Variants in MICAL2 observed in about 807,000 individuals in gnomAD.
MICAL2 encodes microtubule associated monooxygenase, calponin and LIM domain containing 2.
In MICAL2, 77 loss-of-function variants were observed where a neutral mutation model predicts 127.3. The observed-to-expected ratio is 0.60, with a 90% CI of 0.50 to 0.73. MICAL2 has a LOEUF of 0.73. Among genes scored for constraint, MICAL2 ranks in the 30% least tolerant of loss-of-function variants. The pLI is 0.00. For synonymous variants in MICAL2, 570 were observed against 551.1 expected (o/e 1.03, Z -0.48); for missense variants, 1,351 against 1,434.4 (o/e 0.94, Z 0.94).
upstream of MICAL2, among the ~76,000 whole-genome samples, chr11:12,275,646 ACC>A (rs1863716162): frequency 1.3e-5 from 2 of 152,182 alleles, no homozygotes; most frequent in Non-Finnish European, 2.9e-5. Context: ...CTGAGATGTT[ACC>A]ACTGGATTTA....
intron 32 of MICAL2, among the ~76,000 whole-genome samples, chr11:12,330,205 C>A (rs1331988865): frequency 6.6e-6 from 1 of 152,096 alleles, no homozygotes; most frequent in African/African-American, 2.4e-5. Flanking sequence ...TAATAATATT[C>A]CTTGGTGGTT....
At chr11:12,230,281 CA>C (rs1353102216) in intron 15 of MICAL2, among the ~76,000 whole-genome samples, 1 of 152,222 alleles carries the variant, frequency 6.6e-6, no homozygotes, top group African/African-American at 2.4e-5. Flanking sequence ...TGGTCCTGCA[CA>C]GCCACAGGGG....
rs986724984 is a variant in MICAL2, at chr11:12,239,495, A to G, written c.2124A>G (p.Glu708=). 2 of 1,614,220 alleles carry G rather than the reference A, an allele frequency of 1.2e-6. No homozygotes were observed. The highest frequency in any genetic ancestry group is 2.2e-5 in the East Asian group (1 of 44,886). Residue 708 remains glutamate, a synonymous_variant, in exon 17 of 28, where the codon GAA becomes GAG. Coordinates refer to ENST00000683283, the MANE Select transcript of MICAL2 (RefSeq NM_001282663.2). ...GSNQECGSSK[E]GGNQNKVKSM... is the part of the protein sequence containing the mutation. Reference sequence around the variant, plus strand: ...ATCAAGAGTGTGGGAGCAGTAAGGAAGGTGGAAATCAGAACAAAGTCAAGT... The same window carrying G: ...ATCAAGAGTGTGGGAGCAGTAAGGAGGGTGGAAATCAGAACAAAGTCAAGT...
intron 32 of MICAL2, among the ~76,000 whole-genome samples, chr11:12,343,550 A>G (rs1938904584): frequency 6.6e-6 from 1 of 152,186 alleles, no homozygotes; most frequent in Admixed American, 6.5e-5. Flanking sequence ...GAACTCTCTA[A>G]CAGGCCAGAT....
intron 3 of MICAL2, among the ~76,000 whole-genome samples, chr11:12,182,874 G>A (rs1252259007): frequency 6.6e-6 from 1 of 152,172 alleles, no homozygotes; most frequent in Non-Finnish European, 1.5e-5. Flanking sequence ...GCTTGCAAGA[G>A]GGCCTTGGGG....
downstream of MICAL2, among the ~76,000 whole-genome samples, chr11:12,295,468 A>C (rs1364635030): frequency 3.4e-5 from 1 of 29,732 alleles, no homozygotes; most frequent in Non-Finnish European, 8.5e-5. Flanking sequence ...CTTTTTTTTT[A>C]GAGAGACAGG....
chr11:12,288,556 T>C (rs982396066), downstream of MICAL2, among the ~76,000 whole-genome samples: 2 of 152,202 alleles, frequency 1.3e-5, no homozygotes, highest in African/African-American at 4.8e-5. Flanking sequence ...TCAAGGAGTA[T>C]TGCACAGCGT....
intron 1 of MICAL2, among the ~76,000 whole-genome samples, chr11:12,122,720 A>C (rs1432002920): frequency 6.6e-6 from 1 of 152,108 alleles, no homozygotes; most frequent in African/African-American, 2.4e-5. Flanking sequence ...GCCTTTAATG[A>C]CTTTTTAAAG....
At chr11:12,244,435 A>G (rs562041343) in intron 21 of MICAL2, among the ~76,000 whole-genome samples, 1 of 152,370 alleles carries the variant, frequency 6.6e-6, no homozygotes, top group East Asian at 1.9e-4. Flanking sequence ...GAGATGGGAA[A>G]TAGCACATTA....
At chr11:12,174,626 A>G (rs2133901024) in intron 3 of MICAL2, among the ~76,000 whole-genome samples, 1 of 151,856 alleles carries the variant, frequency 6.6e-6, no homozygotes, top group South Asian at 2.1e-4. Context: ...GGCTAAGATG[A>G]ATAATGTGGT....
intron 22 of MICAL2, chr11:12,253,264 C>G (rs558645003): frequency 2.0e-4 from 31 of 152,406 alleles, no homozygotes; most frequent in African/African-American, 7.5e-4. Flanking sequence ...CAACCTGTCA[C>G]TGGGCCATGC....
intron 9 of MICAL2, among the ~76,000 whole-genome samples, chr11:12,221,329 T>A (rs1429731853): frequency 6.6e-6 from 1 of 152,238 alleles, no homozygotes; most frequent in Non-Finnish European, 1.5e-5. Flanking sequence ...TTTGTTAAAA[T>A]CAGCTTAATG....
chr11:12,142,574 G>A (rs1852454928), intron 2 of MICAL2, among the ~76,000 whole-genome samples: 1 of 152,214 alleles, frequency 6.6e-6, no homozygotes, highest in South Asian at 2.1e-4. Context: ...TATGCTGATG[G>A]CACATAAACC....
chr11:12,306,014 A>G (rs1864105561), intron 29 of MICAL2, among the ~76,000 whole-genome samples: 1 of 152,224 alleles, frequency 6.6e-6, no homozygotes, highest in Non-Finnish European at 1.5e-5. Context: ...AGTATTGTTG[A>G]TAAAGGTATT....
At chr11:12,183,515 GA>G (rs756254588) in intron 3 of MICAL2, among the ~76,000 whole-genome samples, 4 of 152,194 alleles carry the variant, frequency 2.6e-5, no homozygotes, top group Non-Finnish European at 4.4e-5. Flanking sequence ...TTCTGAGACT[GA>G]ACTGAGCCAA....
chr11:12,138,012 C>T (rs1349959630), intron 1 of MICAL2, among the ~76,000 whole-genome samples: 1 of 152,206 alleles, frequency 6.6e-6, no homozygotes, highest in South Asian at 2.1e-4. Context: ...AGTTTTACAC[C>T]TGCTTGATTT....
At chr11:12,318,025 G>A (rs1049561579) in intron 29 of MICAL2, among the ~76,000 whole-genome samples, 5 of 152,156 alleles carry the variant, frequency 3.3e-5, no homozygotes, top group African/African-American at 1.2e-4. Flanking sequence ...AGGCTAAATA[G>A]GCAGTTTTCT....
intron 32 of MICAL2, among the ~76,000 whole-genome samples, chr11:12,330,717 G>A (rs1446275290): frequency 1.3e-5 from 2 of 151,800 alleles, no homozygotes; most frequent in African/African-American, 4.8e-5. Flanking sequence ...GTCAAGGAAA[G>A]GGAAACAAAG....
At chr11:12,321,628 C>T (rs530727000) in intron 30 of MICAL2, among the ~76,000 whole-genome samples, 2 of 140,026 alleles carry the variant, frequency 1.4e-5, no homozygotes, top group South Asian at 4.8e-4. Context: ...GATATAAGAA[C>T]TGTGCCTTGT....
Sources: gnomAD v4.1 joint callset for allele counts (sites outside exome capture counted in the v4.1 genomes callset) on GRCh38, gnomAD v4.1.1 for gene constraint, MANE v1.5 for transcripts, NCBI Gene and HGNC (gene_info 2026-07-23, HGNC 2026-07-21) for gene names.